GALNT13: variants seen among roughly 807,000 people sequenced by gnomAD.
GALNT13 encodes the protein UDP-GalNAc:polypeptide N-acetylgalactosaminyltransferase 13.
A neutral mutation model predicts 64.2 loss-of-function variants in GALNT13; 28 were observed. The observed-to-expected ratio is 0.44, with a 90% CI of 0.32 to 0.60. The LOEUF (loss-of-function observed/expected upper bound fraction) is 0.60, where lower values mean the gene tolerates loss of function less well. Among genes scored for constraint, GALNT13 ranks in the 20% least tolerant of loss-of-function variants. The pLI is 0.05. For missense variants in GALNT13, 577 were observed against 669.8 expected (o/e 0.86, Z 1.53); for synonymous variants, 214 against 224.6 (o/e 0.95, Z 0.42).
intron 12 of GALNT13, 41 bp from the exon 13 acceptor site, chr2:154,450,370 A>G: frequency 1.3e-6 from 2 of 1,506,060 alleles, no homozygotes; most frequent in Non-Finnish European, 9.0e-7. Context: ...GCAAAGCTAA[A>G]GACGAAATAA....
chr2:153,249,168 C>T, the GALNT13 span, among the ~76,000 whole-genome samples: 1 of 152,154 alleles, frequency 6.6e-6, no homozygotes, highest in South Asian at 2.1e-4. Context: ...ACCTGATAAG[C>T]AACATTAGCA....
At chr2:154,263,426 G>A (rs1415800673) in intron 8 of GALNT13, among the ~76,000 whole-genome samples, 3 of 152,088 alleles carry the variant, frequency 2.0e-5, no homozygotes, top group Non-Finnish European at 2.9e-5. Flanking sequence ...GCAACTCTGG[G>A]CAAGTCATAA....
At chr2:153,772,597 A>G in the GALNT13 span, among the ~76,000 whole-genome samples, 56 of 152,136 alleles carry the variant, frequency 3.7e-4, no homozygotes, top group Non-Finnish European at 2.4e-4. Flanking sequence ...ATCTTTATGC[A>G]CTGTTTTGCT....
chr2:153,949,260 C>T (rs1424950491), intron 3 of GALNT13, among the ~76,000 whole-genome samples: 1 of 152,036 alleles, frequency 6.6e-6, no homozygotes, highest in Non-Finnish European at 1.5e-5. Context: ...ACTTCCCCAT[C>T]CTTATGCAAC....
the GALNT13 span, among the ~76,000 whole-genome samples, chr2:153,780,234 T>TATATATATATATATATGC: frequency 5.7e-4 from 6 of 10,566 alleles, no homozygotes; most frequent in African/African-American, 1.0e-3. Context: ...TATATATATA[T>TATATATATATATATATGC]ATATATATAT....
chr2:153,232,845 C>T, the GALNT13 span, among the ~76,000 whole-genome samples: 1 of 152,192 alleles, frequency 6.6e-6, no homozygotes, highest in Admixed American at 6.5e-5. Context: ...AACTCAAGTT[C>T]TCACCAGCTT....
intron 3 of GALNT13, among the ~76,000 whole-genome samples, chr2:154,046,700 G>T (rs572168971): frequency 2.3e-4 from 35 of 152,196 alleles, no homozygotes; most frequent in African/African-American, 8.2e-4. Flanking sequence ...AGCTCAACAG[G>T]GTGGGGCCCT....
the GALNT13 span, among the ~76,000 whole-genome samples, chr2:153,785,921 G>C: frequency 6.6e-6 from 1 of 152,010 alleles, no homozygotes; most frequent in African/African-American, 2.4e-5. Context: ...TCACAGAAAA[G>C]TGGTCAGACT....
the GALNT13 span, among the ~76,000 whole-genome samples, chr2:153,725,321 G>C: frequency 6.6e-6 from 1 of 151,424 alleles, no homozygotes; most frequent in African/African-American, 2.4e-5. Context: ...AGGGGAGAGG[G>C]GGGAGGGATA....
At chr2:154,297,659 T>C (rs2105974637) in intron 8 of GALNT13, among the ~76,000 whole-genome samples, 1 of 152,298 alleles carries the variant, frequency 6.6e-6, no homozygotes, top group African/African-American at 2.4e-5. Flanking sequence ...CAGGATTTTG[T>C]TATGGCAGCG....
chr2:154,265,710 A>G (rs904263160), intron 8 of GALNT13, among the ~76,000 whole-genome samples: 1 of 152,146 alleles, frequency 6.6e-6, no homozygotes, highest in Non-Finnish European at 1.5e-5. Flanking sequence ...AAAACAAACA[A>G]ACAAACAAAT....
intron 9 of GALNT13, among the ~76,000 whole-genome samples, chr2:154,390,335 C>A (rs1295629214): frequency 6.6e-6 from 1 of 152,110 alleles, no homozygotes; most frequent in African/African-American, 2.4e-5. Flanking sequence ...TGGGTATTAA[C>A]CCTAGTACCC....
the GALNT13 span, among the ~76,000 whole-genome samples, chr2:153,808,089 C>T: frequency 0.42 from 64,085 of 151,930 alleles, 14,496 homozygotes; most frequent in Admixed American, 0.58. Flanking sequence ...TAGCCCAAAG[C>T]GCTGTAGTTA....
chr2:153,943,181 A>G (rs1691461788), intron 2 of GALNT13, among the ~76,000 whole-genome samples: 1 of 152,216 alleles, frequency 6.6e-6, no homozygotes, highest in African/African-American at 2.4e-5. Context: ...AATAAAACAA[A>G]TAAGTGTAAG....
intron 4 of GALNT13, among the ~76,000 whole-genome samples, chr2:154,214,493 A>G (rs1319330820): frequency 6.6e-6 from 1 of 152,170 alleles, no homozygotes; most frequent in East Asian, 1.9e-4. Context: ...CTGGGTCGCC[A>G]TCCAAATCTC....
At chr2:153,345,723 TTC>T in the GALNT13 span, among the ~76,000 whole-genome samples, 2 of 82,782 alleles carry the variant, frequency 2.4e-5, no homozygotes, top group Admixed American at 1.2e-4. Flanking sequence ...CTTTCTGTCC[TTC>T]CTTCCTTCCT....
rs1682046140 is a variant in GALNT13 at position 154,123,039 on chromosome 2, G to T, written c.143-17298G>T. Among the ~76,000 whole-genome samples, 3 of 151,846 alleles carry T rather than the reference G, an allele frequency of 2.0e-5. No homozygotes were observed. In the South Asian group the frequency reaches 6.3e-4, roughly 32 times the overall value. ...TATGTGAACAAGAAGAGAATGGAAT[G>T]GATTATTGAAGTATAGAAGGAAAAA... On this transcript the variant is annotated intron_variant, in intron 3 of 12. Transcript: ENST00000392825.
chr2:153,749,392 A>C, the GALNT13 span, among the ~76,000 whole-genome samples: 1 of 152,002 alleles, frequency 6.6e-6, no homozygotes, highest in Non-Finnish European at 1.5e-5. Flanking sequence ...TGATATTTTG[A>C]TAGAGATTGT....
At chr2:153,373,566 A>G in the GALNT13 span, among the ~76,000 whole-genome samples, 4 of 152,182 alleles carry the variant, frequency 2.6e-5, no homozygotes, top group African/African-American at 7.2e-5. Flanking sequence ...TACATTTGCA[A>G]AGCTATATTT....
Sources: allele counts gnomAD v4.1 joint callset (sites outside exome capture counted in the v4.1 genomes callset), GRCh38; gene constraint gnomAD v4.1.1; transcripts MANE v1.5; gene names NCBI Gene and HGNC (gene_info 2026-07-23, HGNC 2026-07-21).